Variants in DNM2 observed in about 807,000 individuals in gnomAD.
DNM2 encodes dynamin 2, also known as dynamin-2.
A neutral mutation model predicts 99.0 loss-of-function variants in DNM2; 15 were observed. The observed-to-expected ratio is 0.15, with a 90% CI of 0.10 to 0.23. The LOEUF is 0.23. Ranked by LOEUF, DNM2 falls within the 10% of genes least tolerant of loss-of-function variation. The probability of loss-of-function intolerance (pLI) is 1.00; values close to 1 mark genes in which losing one functional copy is unlikely to be tolerated. For synonymous variants in DNM2, 525 were observed against 481.2 expected, an observed-to-expected ratio of 1.09 and a Z score of -1.19; for missense variants, 742 against 1,189.4, an observed-to-expected ratio of 0.62 and a Z score of 5.53.
At chr19:10,768,224 C>T (rs1282521728) in intron 2 of DNM2, among the ~76,000 whole-genome samples, 1 of 151,974 alleles carries the variant, frequency 6.6e-6, no homozygotes, top group Non-Finnish European at 1.5e-5. Context: ...GAGGCCGAGG[C>T]GGGTAGATCA....
intron 3 of DNM2, among the ~76,000 whole-genome samples, chr19:10,774,190 A>G (rs2071074745): frequency 6.6e-6 from 1 of 152,216 alleles, no homozygotes; most frequent in South Asian, 2.1e-4. Flanking sequence ...CTGTCATTCA[A>G]GCTGCCTGAA....
intron 15 of DNM2, among the ~76,000 whole-genome samples, chr19:10,819,505 G>A (rs2072897944): frequency 1.3e-5 from 2 of 152,174 alleles, no homozygotes; most frequent in Non-Finnish European, 2.9e-5. Context: ...TGTGCGTGCC[G>A]TCAGCCACAT....
chr19:10,829,408 C>A, intron 19 of DNM2, 140 bp downstream of exon 19: 1 of 1,119,384 alleles, frequency 8.9e-7, no homozygotes, highest in Non-Finnish European at 1.3e-6. Flanking sequence ...GGAGCTGCTG[C>A]CCTGCTGAGG....
At chr19:10,807,375 G>A (rs1399515752) in intron 13 of DNM2, among the ~76,000 whole-genome samples, 3 of 152,032 alleles carry the variant, frequency 2.0e-5, no homozygotes, top group African/African-American at 4.8e-5. Context: ...GAGTAGCTGG[G>A]ATTACAGGCG....
intron 16 of DNM2, among the ~76,000 whole-genome samples, chr19:10,822,903 G>A (rs576373647): frequency 3.3e-5 from 5 of 151,434 alleles, no homozygotes; most frequent in East Asian, 2.0e-4. Flanking sequence ...TCAGAAGATC[G>A]AGATCATCCT....
intron 11 of DNM2, among the ~76,000 whole-genome samples, chr19:10,800,722 A>G (rs963123023): frequency 2.0e-5 from 3 of 152,266 alleles, no homozygotes; most frequent in African/African-American, 4.8e-5. Context: ...CCTCCCCAGC[A>G]GCCTGGCCTG....
At position 10,796,801 on chromosome 19, in the gene DNM2, C is replaced by T. The variant is rs547051141; in HGVS notation, c.1197-579C>T. Among the ~76,000 whole-genome samples, 6 of 152,256 alleles carry T rather than the reference C, an allele frequency of 3.9e-5. No individual in the cohort carries two copies. Among genetic ancestry groups the T allele is most frequent in the Non-Finnish European group, 8.8e-5 (6 of 68,018 alleles). On this transcript the variant is annotated intron_variant, in intron 9 of 20. Transcript: ENST00000389253. This position sits in a 1 kb window ranked among gnomAD's most constrained non-coding sequence, Gnocchi z 5.6. The stretch of plus-strand genomic sequence containing the variant: ...TCTATGCGCTCTCGACGAGCCACTG[C>T]CTCCACTCAGCAGGACGCGCCGGGC...
chr19:10,787,998 G>A (rs1408552177), intron 7 of DNM2, among the ~76,000 whole-genome samples: 1 of 151,956 alleles, frequency 6.6e-6, no homozygotes. Flanking sequence ...TTGGGAGGCC[G>A]AGGCGGGAGG....
At chr19:10,822,680 G>A (rs537488770) in intron 16 of DNM2, among the ~76,000 whole-genome samples, 1 of 151,756 alleles carries the variant, frequency 6.6e-6, no homozygotes, top group South Asian at 2.1e-4. Flanking sequence ...TTGTATTTTA[G>A]TATTGACGGG....
At chr19:10,787,927 T>C (rs1208363486) in intron 7 of DNM2, among the ~76,000 whole-genome samples, 1 of 150,346 alleles carries the variant, frequency 6.7e-6, no homozygotes, top group East Asian at 2.0e-4. Flanking sequence ...AGACTCCGTC[T>C]CCAAAAAAAA....
intron 1 of DNM2, among the ~76,000 whole-genome samples, chr19:10,721,504 G>A (rs191322085): frequency 6.6e-5 from 10 of 152,262 alleles, no homozygotes; most frequent in African/African-American, 2.4e-4. Context: ...TTGTAAAAAG[G>A]CCTCTCTTTG....
intron 1 of DNM2, among the ~76,000 whole-genome samples, chr19:10,725,499 G>T (rs1388126848): frequency 6.6e-6 from 1 of 151,870 alleles, no homozygotes; most frequent in Non-Finnish European, 1.5e-5. Flanking sequence ...CGGTTAGGGT[G>T]GTCTGCAGTG....
At position 10,790,831 on chromosome 19, in the gene DNM2, A is replaced by G. The variant is rs1053036740; in HGVS notation, c.993-2889A>G. On this transcript the variant is annotated intron_variant, in intron 7 of 20. Transcript: ENST00000389253. ...GCCCAGGCTAGAGTGCAGTGGTGCAATCCCGGCTCACCGCAGCCTCACCAC... is the reference window on the plus strand; with the variant it reads ...GCCCAGGCTAGAGTGCAGTGGTGCAGTCCCGGCTCACCGCAGCCTCACCAC... 2.0e-5 allele frequency among the ~76,000 whole-genome samples: 3 copies of G among 152,122 alleles called. No individual in the cohort carries two copies. The East Asian group carries it at 5.8e-4, about 29-fold the overall frequency.
chr19:10,755,820 C>T (rs2070363587), intron 1 of DNM2, among the ~76,000 whole-genome samples: 1 of 152,094 alleles, frequency 6.6e-6, no homozygotes, highest in Admixed American at 6.6e-5. Flanking sequence ...TGCGCCCCCA[C>T]ACCCGGTTAA....
At chr19:10,798,112 A>G (rs112583862) in intron 10 of DNM2, among the ~76,000 whole-genome samples, 19 of 152,090 alleles carry the variant, frequency 1.2e-4, no homozygotes, top group African/African-American at 4.6e-4. Context: ...AACAGACGCT[A>G]CTCACTCACG....
In DNM2 at chr19:10,816,190, C is replaced by G. The variant is rs1286209438; in HGVS notation, c.1672-3790C>G. ...ATGCTCCCTGACCTGAGGGACACCC[C>G]AGCCCGACATCCGAACACCTCCGCT... On this transcript the variant is annotated intron_variant, in intron 15 of 20. Coordinates refer to ENST00000389253, the MANE Select transcript of DNM2 (RefSeq NM_001005361.3). This position sits in a 1 kb window ranked among gnomAD's most constrained non-coding sequence, Gnocchi z 4.6. Among the ~76,000 whole-genome samples, 1 of 152,094 alleles carries G rather than the reference C, an allele frequency of 6.6e-6. No individual in the cohort carries two copies. Among genetic ancestry groups the G allele is most frequent in the Non-Finnish European group, 1.5e-5 (1 of 68,002 alleles).
chr19:10,777,344 CT>C (rs2071188314), intron 5 of DNM2, 128 bp downstream of exon 5: 3 of 884,876 alleles, frequency 3.4e-6, no homozygotes, highest in Non-Finnish European at 1.8e-6. Context: ...CTCCTTCTTT[CT>C]TTTCCCTTTG....
chr19:10,823,555 A>C (rs2073051324), intron 16 of DNM2: 1 of 542,928 alleles, frequency 1.8e-6, no homozygotes, highest in Non-Finnish European at 3.3e-6. Context: ...GGAAAAGAGA[A>C]GAGTCAGCTG....
chr19:10,779,271 T>G (rs2071262266), intron 5 of DNM2, among the ~76,000 whole-genome samples: 1 of 151,768 alleles, frequency 6.6e-6, no homozygotes, highest in Admixed American at 6.6e-5. Context: ...AGCAGCAGTT[T>G]TAGGTTCATA....
Sources: allele counts gnomAD v4.1 joint callset (sites outside exome capture counted in the v4.1 genomes callset), GRCh38; gene constraint gnomAD v4.1.1; non-coding constraint Gnocchi (gnomAD v3.1); transcripts MANE v1.5; gene names NCBI Gene and HGNC (gene_info 2026-07-23, HGNC 2026-07-21).